GNA13: variants seen among roughly 807,000 people sequenced by gnomAD.
GNA13 encodes guanine nucleotide-binding protein subunit alpha-13.
Under a neutral mutation model 33.5 loss-of-function variants are expected in GNA13, and 4 were observed. The ratio of observed to expected loss-of-function variants is 0.12; its 90% CI spans 0.06 to 0.27. GNA13 has a LOEUF of 0.27. GNA13 is among the 10% of genes least tolerant of loss of function. The probability of loss-of-function intolerance (pLI) is 1.00; values close to 1 mark genes in which losing one functional copy is unlikely to be tolerated. For missense variants in GNA13, 319 were observed against 487.2 expected (o/e 0.65, Z 3.25); for synonymous variants, 176 against 183.8 (o/e 0.96, Z 0.34).
chr17:65,056,251 A>ACCCCCC, intron 1 of GNA13, 60 bp downstream of exon 1: 39 of 740,672 alleles, frequency 5.3e-5, no homozygotes, highest in Non-Finnish European at 6.8e-5. Context: ...CCCGCCCCGC[A>ACCCCCC]CCCGCCGCCG....
In GNA13 at chr17:65,011,813, T is replaced by A. The variant is rs1906198247; in HGVS notation, c.*2444A>T. ...GTGAAATTATGAGCACCTTTTCAAT[T>A]CTGTTCACTAAATTTCATCTCTCTC... On this transcript the variant is annotated 3_prime_UTR_variant, in exon 4 of 4. Transcript: ENST00000439174. 4.4e-6 allele frequency: 1 copy of A among 228,414 alleles called. No homozygotes were observed. The highest frequency in any genetic ancestry group is 2.2e-5 in the African/African-American group (1 of 45,102). 14.1% of individuals were successfully genotyped at this position (228,414 alleles called of 1,614,324 possible). A position where few individuals can be genotyped will look rare whatever the true frequency, so the allele number is the denominator to read the frequency against.
intron 1 of GNA13, 128 bp downstream of exon 1, chr17:65,056,183 G>T: frequency 1.4e-6 from 1 of 716,484 alleles, no homozygotes; most frequent in Non-Finnish European, 2.0e-6. Context: ...CCCCCTTCCC[G>T]CCAGCCCGCC....
intron 2 of GNA13, among the ~76,000 whole-genome samples, chr17:65,024,709 G>A (rs1906708485): frequency 6.6e-6 from 1 of 152,212 alleles, no homozygotes; most frequent in Non-Finnish European, 1.5e-5. Flanking sequence ...TCCGAGAGAA[G>A]TGATTCTGAT....
chr17:65,024,331 T>A (rs1906694857), intron 2 of GNA13, among the ~76,000 whole-genome samples: 1 of 152,194 alleles, frequency 6.6e-6, no homozygotes, highest in Admixed American at 6.5e-5. Context: ...AAAATCTCAT[T>A]ACAGATCAGA....
At chr17:65,055,334 AAAC>A (rs1275860358) in intron 1 of GNA13, among the ~76,000 whole-genome samples, 2 of 152,226 alleles carry the variant, frequency 1.3e-5, no homozygotes, top group African/African-American at 2.4e-5. Flanking sequence ...GCCCAGAAAT[AAAC>A]AACTTGTTTA....
At chr17:65,054,879 T>A (rs1244440777) in intron 1 of GNA13, among the ~76,000 whole-genome samples, 1 of 152,214 alleles carries the variant, frequency 6.6e-6, no homozygotes, top group East Asian at 1.9e-4. Flanking sequence ...GAGACCTTAA[T>A]TAGTTTTGAG....
intron 2 of GNA13, among the ~76,000 whole-genome samples, chr17:65,027,059 T>C (rs1453928726): frequency 6.6e-6 from 1 of 152,198 alleles, no homozygotes; most frequent in East Asian, 1.9e-4. Flanking sequence ...ATTACAGGCG[T>C]GAGCCACCGC....
intron 2 of GNA13, 151 bp from the exon 3 acceptor site, chr17:65,018,454 A>G (rs1317983379): frequency 1.6e-6 from 1 of 616,886 alleles, no homozygotes; most frequent in Non-Finnish European, 2.9e-6. Context: ...CTAAAAACAT[A>G]TAAAACGTCT....
At chr17:65,051,427 CCAA>C (rs950740045) in intron 2 of GNA13, among the ~76,000 whole-genome samples, 2 of 152,262 alleles carry the variant, frequency 1.3e-5, no homozygotes, top group Non-Finnish European at 2.9e-5. Flanking sequence ...ACCAGCTTGA[CCAA>C]CATGGAGAAA....
At chr17:65,037,365 T>C (rs1907284736) in intron 2 of GNA13, among the ~76,000 whole-genome samples, 1 of 152,104 alleles carries the variant, frequency 6.6e-6, no homozygotes, top group Admixed American at 6.6e-5. Flanking sequence ...CGCCTCTCTC[T>C]CCTCTTAAGC....
intron 2 of GNA13, among the ~76,000 whole-genome samples, chr17:65,031,913 A>AGTGT (rs1907046663): frequency 1.3e-4 from 18 of 134,396 alleles, no homozygotes; most frequent in Admixed American, 2.8e-4. Context: ...AGAGAGAGAG[A>AGTGT]GAGAGAGAGT....
In GNA13 at chr17:65,056,323, T is replaced by C; in HGVS notation, c.271A>G (p.Asn91Asp). ...REEFRPTIYS[N>D]VIKGMRVLVD... ...CCCGGCCCGGCACCTTTGATCACGT[T>C]GCTGTAGATGGTGGGGCGGAACTCC... Residue 91 changes from asparagine to aspartate, a missense_variant, in exon 1 of 4, where the codon AAC becomes GAC. Physicochemically the swap from Asn to Asp is conservative, Grantham distance 23. This residue lies in a region of GNA13 where 136 missense variants were observed against 159.3 expected (regional missense o/e 0.85). Coordinates refer to ENST00000439174, the MANE Select transcript of GNA13 (RefSeq NM_006572.6). 1.3e-6 allele frequency: 2 copies of C among 1,587,948 alleles called. No homozygotes were observed. Among genetic ancestry groups the C allele is most frequent in the Non-Finnish European group, 1.7e-6 (2 of 1,166,704 alleles).
intron 2 of GNA13, among the ~76,000 whole-genome samples, chr17:65,031,341 C>T (rs187790944): frequency 1.3e-4 from 20 of 152,312 alleles, no homozygotes; most frequent in Non-Finnish European, 2.6e-4. Flanking sequence ...CTTACAGGGC[C>T]GCCATTTTAT....
intron 2 of GNA13, chr17:65,053,139 T>C (rs532338074): frequency 5.5e-6 from 1 of 182,208 alleles, no homozygotes; most frequent in Non-Finnish European, 1.1e-5. Context: ...AGGTTGAGTG[T>C]CCCTTATCCG....
At chr17:65,046,410 C>T (rs1422903625) in intron 2 of GNA13, among the ~76,000 whole-genome samples, 2 of 152,142 alleles carry the variant, frequency 1.3e-5, no homozygotes, top group Admixed American at 6.6e-5. Context: ...CTTCTCTCAA[C>T]CTCCCAAGTA....
intron 2 of GNA13, among the ~76,000 whole-genome samples, chr17:65,051,712 A>G (rs1404539634): frequency 6.6e-6 from 1 of 152,252 alleles, no homozygotes; most frequent in Non-Finnish European, 1.5e-5. Context: ...AGTAATAAAC[A>G]TTGATCAAGG....
intron 1 of GNA13, 67 bp downstream of exon 1, chr17:65,056,244 G>GCCCCCCCCCCCCCCCCCCCCCCCCCCCC: frequency 9.7e-7 from 1 of 1,032,476 alleles, no homozygotes; most frequent in Non-Finnish European, 1.4e-6. Context: ...GCGGTGCCCC[G>GCCCCCCCCCCCCCCCCCCCCCCCCCCCC]CCCCGCACCC....
chr17:65,018,214 A>C, intron 3 of GNA13, 39 bp downstream of exon 3: 2 of 1,093,168 alleles, frequency 1.8e-6, no homozygotes, highest in Non-Finnish European at 2.8e-6. Flanking sequence ...TTCTGCTTTC[A>C]AATGGCACTA....
rs767330120 is a variant in GNA13, at chr17:65,056,441, G to C, written c.153C>G (p.Ile51Met). The stretch of plus-strand genomic sequence containing the variant: ...CGCTCTCGCCCGCGCCCAGCAGCAG[G>C]ATCTTCACCAGCCGCTTCACATAGG... ...EKTYVKRLVK[I>M]LLLGAGESGK... The change falls in exon 1 of 4, where the codon ATC becomes ATG. Residue 51 changes from isoleucine (I) to methionine (M), a missense_variant. Physicochemically the swap from Ile to Met is conservative, Grantham distance 10. Around this residue, in one of 4 missense-constraint regions of GNA13, gnomAD observed 47 missense variants for 64.7 expected, o/e 0.73. Transcript: ENST00000439174. The C allele has an allele frequency of 6.2e-7, 1 of 1,613,722 alleles. No homozygotes were observed. Among genetic ancestry groups the C allele is most frequent in the Non-Finnish European group, 8.5e-7 (1 of 1,179,874 alleles).
Sources: allele counts gnomAD v4.1 joint callset (sites outside exome capture counted in the v4.1 genomes callset), GRCh38; gene constraint gnomAD v4.1.1; regional missense constraint gnomAD v4.1.1; transcripts MANE v1.5; gene names NCBI Gene and HGNC (gene_info 2026-07-23, HGNC 2026-07-21).